Variants in STPG2 observed in about 807,000 individuals in gnomAD.
STPG2 encodes the protein sperm-tail PG-rich repeat-containing protein 2.
Under a neutral mutation model 54.2 loss-of-function variants are expected in STPG2, and 56 were observed. That is an observed-to-expected ratio of 1.03 (90% CI 0.83 to 1.29). The LOEUF is 1.29. Among genes scored for constraint, STPG2 ranks in the 50% most tolerant of loss-of-function variants. STPG2 has a pLI of 0.00. For missense variants in STPG2, 596 were observed against 544.9 expected, an observed-to-expected ratio of 1.09 and a Z score of -0.93; for synonymous variants, 200 against 181.8, an observed-to-expected ratio of 1.10 and a Z score of -0.81.
chr4:97,914,318 T>G (rs1731791652), intron 8 of STPG2, among the ~76,000 whole-genome samples: 1 of 152,066 alleles, frequency 6.6e-6, no homozygotes, highest in African/African-American at 2.4e-5. Flanking sequence ...CCACCATCAC[T>G]GTAAAAAAAA....
downstream of STPG2, among the ~76,000 whole-genome samples, chr4:97,558,026 G>C (rs1018600603): frequency 5.9e-5 from 9 of 152,118 alleles, no homozygotes; most frequent in Non-Finnish European, 1.0e-4. Flanking sequence ...TCTTAACAAG[G>C]AATAGTTGTC....
In STPG2 at chr4:97,506,156, C is replaced by T. The variant is rs571226663; in HGVS notation, c.462+206543G>A. ...CACTTCAAGACAGCTTAGACACTGA[C>T]TGGATTGAGGTAATCTGTCCTACTT... On this transcript the variant is annotated intron_variant, in intron 4 of 4. Transcript: ENST00000522676. Among the ~76,000 whole-genome samples, 6 of 151,376 alleles carry T rather than the reference C, an allele frequency of 4.0e-5. No homozygotes were observed. In the East Asian group the frequency reaches 9.8e-4, roughly 25 times the overall value.
intron 10 of STPG2, among the ~76,000 whole-genome samples, chr4:97,693,752 C>T (rs1232496888): frequency 1.3e-5 from 2 of 152,036 alleles, no homozygotes; most frequent in East Asian, 1.9e-4. Flanking sequence ...CAAAGACAGA[C>T]CATATGATAG....
At chr4:97,761,767 T>C (rs931809502) in intron 9 of STPG2, among the ~76,000 whole-genome samples, 1 of 152,180 alleles carries the variant, frequency 6.6e-6, no homozygotes, top group African/African-American at 2.4e-5. Context: ...GAAATGGAAA[T>C]GATGATCTTT....
intron 3 of STPG2, among the ~76,000 whole-genome samples, chr4:98,122,386 A>C (rs1739704689): frequency 6.6e-6 from 1 of 152,130 alleles, no homozygotes; most frequent in South Asian, 2.1e-4. Flanking sequence ...TATGTAGTTT[A>C]TTGAGAGTTT....
At chr4:97,755,654 T>C (rs187379350) in intron 9 of STPG2, among the ~76,000 whole-genome samples, 2 of 152,206 alleles carry the variant, frequency 1.3e-5, no homozygotes, top group African/African-American at 4.8e-5. Flanking sequence ...ATTTGACCAA[T>C]ACTTTCTTAA....
At chr4:98,039,654 T>C (rs1736886192) in intron 5 of STPG2, among the ~76,000 whole-genome samples, 1 of 149,682 alleles carries the variant, frequency 6.7e-6, no homozygotes, top group Admixed American at 6.7e-5. Flanking sequence ...AAAACTGCCT[T>C]TGCACCCCTT....
intron 9 of STPG2, among the ~76,000 whole-genome samples, chr4:97,749,931 C>T (rs1725532808): frequency 6.6e-6 from 1 of 151,678 alleles, no homozygotes; most frequent in Non-Finnish European, 1.5e-5. Flanking sequence ...GAGGACAGTT[C>T]CCGTCCAGAC....
chr4:97,875,515 T>C (rs1159003092), intron 8 of STPG2, among the ~76,000 whole-genome samples: 1 of 151,958 alleles, frequency 6.6e-6, no homozygotes, highest in African/African-American at 2.4e-5. Context: ...CAAATAATAA[T>C]TTTAAAAAAC....
chr4:97,689,256 A>C (rs1723290076), intron 10 of STPG2, among the ~76,000 whole-genome samples: 1 of 152,166 alleles, frequency 6.6e-6, no homozygotes, highest in Non-Finnish European at 1.5e-5. Flanking sequence ...GAAACTAATA[A>C]ACATAGTAAA....
rs1301166183 is a variant in STPG2 at position 98,128,404 on chromosome 4, C to T, written c.387+24G>A. On this transcript the variant is annotated intron_variant, in intron 3 of 10. Transcript: ENST00000295268. ...AAATCATAAACAATTTTCCAATTGT[C>T]AATATGAAATACATTATACTTACAA... is the stretch of plus-strand genomic sequence containing the variant. 2.8e-5 allele frequency: 43 copies of T among 1,518,982 alleles called. No individual in the cohort carries two copies. The East Asian group carries it at 1.0e-3, about 36-fold the overall frequency. The allele number at this position is 1,518,982 out of a possible 1,614,324, so 94.1% of individuals were successfully genotyped here.
chr4:98,102,218 T>A (rs1739059050), intron 5 of STPG2, among the ~76,000 whole-genome samples: 1 of 152,236 alleles, frequency 6.6e-6, no homozygotes, highest in Admixed American at 6.5e-5. Context: ...CAACATAGGT[T>A]ATCCAAATAA....
chr4:97,539,718 A>G (rs777761825), intron 4 of STPG2, among the ~76,000 whole-genome samples: 1 of 152,226 alleles, frequency 6.6e-6, no homozygotes, highest in Non-Finnish European at 1.5e-5. Context: ...AGACATCTAC[A>G]GAACTCTCCA....
chr4:97,925,833 G>C lies in STPG2; in HGVS notation c.1044+18064C>G, dbSNP rs1578697721. Among the ~76,000 whole-genome samples, 3 of 152,196 alleles carry C rather than the reference G, an allele frequency of 2.0e-5. No homozygotes were observed. The East Asian group carries it at 5.8e-4, about 29-fold the overall frequency. On this transcript the variant is annotated intron_variant, in intron 8 of 10. Coordinates refer to ENST00000295268, the MANE Select transcript of STPG2 (RefSeq NM_174952.3). ...GAGACACTTTTACCAGCTGACCTGTGACACCTCTTCAGAAGTCTGAATTCT... is the reference window on the plus strand; with the variant it reads ...GAGACACTTTTACCAGCTGACCTGTCACACCTCTTCAGAAGTCTGAATTCT...
intron 8 of STPG2, among the ~76,000 whole-genome samples, chr4:97,935,607 C>T (rs758246431): frequency 6.6e-6 from 1 of 152,110 alleles, no homozygotes; most frequent in Non-Finnish European, 1.5e-5. Context: ...TTTCAATGAA[C>T]TTCTTGATTT....
chr4:97,973,048 C>T (rs1734388294), intron 6 of STPG2, among the ~76,000 whole-genome samples: 1 of 152,136 alleles, frequency 6.6e-6, no homozygotes, highest in African/African-American at 2.4e-5. Flanking sequence ...AATGTTGAAG[C>T]AACTTTGGAA....
chr4:97,828,146 G>A (rs1342260061), intron 9 of STPG2, among the ~76,000 whole-genome samples: 2 of 152,162 alleles, frequency 1.3e-5, no homozygotes, highest in South Asian at 2.1e-4. Context: ...CAGTGAGACC[G>A]ATGCAGAAGG....
chr4:98,025,602 T>C, intron 5 of STPG2: 1 of 749,822 alleles, frequency 1.3e-6, no homozygotes. Flanking sequence ...GACAGGGATA[T>C]AATAGTCTGT....
intron 8 of STPG2, among the ~76,000 whole-genome samples, chr4:97,915,118 C>G (rs1731823548): frequency 6.6e-6 from 1 of 152,096 alleles, no homozygotes; most frequent in Non-Finnish European, 1.5e-5. Context: ...CAGTTTAAGA[C>G]TTACAGGTAA....
Sources: allele counts gnomAD v4.1 joint callset (sites outside exome capture counted in the v4.1 genomes callset), GRCh38; gene constraint gnomAD v4.1.1; transcripts MANE v1.5; gene names NCBI Gene and HGNC (gene_info 2026-07-23, HGNC 2026-07-21).